The following ERC2 variants were observed in gnomAD, a reference collection of about 807,000 sequenced individuals.
ERC2 encodes ELKS/RAB6-interacting/CAST family member 2, also known as ERC protein 2.
Under a neutral mutation model 114.8 loss-of-function variants are expected in ERC2, and 42 were observed. The observed-to-expected ratio is 0.37, with a 90% CI of 0.29 to 0.47. ERC2 has a LOEUF of 0.47. Ranked by LOEUF, ERC2 falls within the 20% of genes least tolerant of loss-of-function variation. The probability of loss-of-function intolerance (pLI) is 0.99; values close to 1 mark genes in which losing one functional copy is unlikely to be tolerated. For synonymous variants in ERC2, 454 were observed against 425.5 expected, an observed-to-expected ratio of 1.07 and a Z score of -0.82; for missense variants, 939 against 1,150.7, an observed-to-expected ratio of 0.82 and a Z score of 2.66.
At position 55,524,500 on chromosome 3, in the gene ERC2, GTTTTT is replaced by G. The variant is rs34258011; in HGVS notation, c.*40-13229_*40-13225del. ...CACCCTGTTTTACAAAGCTCCAGTG[GTTTTT>G]TTTTTTTTTTTTTTTCATGGCTCCA... On this transcript the variant is annotated intron_variant, in intron 17 of 17. Transcript: ENST00000288221. 1.6e-3 allele frequency among the ~76,000 whole-genome samples: 190 copies of G among 120,832 alleles called. 1 individual carries two copies. Among genetic ancestry groups the G allele is most frequent in the African/African-American group, 5.8e-3 (183 of 31,734 alleles). 79.3% of individuals were successfully genotyped at this position (120,832 alleles called of 152,430 possible). A position where few individuals can be genotyped will look rare whatever the true frequency, so the allele number is the denominator to read the frequency against.
At chr3:56,040,587 A>ATG (rs2075090702) in intron 7 of ERC2, among the ~76,000 whole-genome samples, 2 of 122,246 alleles carry the variant, frequency 1.6e-5, no homozygotes, top group African/African-American at 6.1e-5. Context: ...ATACATATAC[A>ATG]TATATATCTA....
At chr3:56,102,310 G>A (rs939956354) in intron 6 of ERC2, among the ~76,000 whole-genome samples, 1 of 152,110 alleles carries the variant, frequency 6.6e-6, no homozygotes, top group African/African-American at 2.4e-5. Flanking sequence ...CAGTGCTAGG[G>A]ACAGAGCTTC....
chr3:55,679,686 C>T lies in ERC2; in HGVS notation c.*39+4108G>A, dbSNP rs557955690. ...GCACAAGAAAGAGATATATCAGATC[C>T]TCAGTTATACAAAATCTAAATTGCA... On this transcript the variant is annotated intron_variant, in intron 17 of 17. Transcript: ENST00000288221. Among the ~76,000 whole-genome samples, 6 of 152,304 alleles carry T rather than the reference C, an allele frequency of 3.9e-5. No individual in the cohort carries two copies. The South Asian group carries it at 1.2e-3, about 32-fold the overall frequency.
intron 14 of ERC2, among the ~76,000 whole-genome samples, chr3:55,735,160 T>C (rs1266166690): frequency 1.3e-5 from 2 of 152,250 alleles, no homozygotes; most frequent in South Asian, 4.1e-4. Flanking sequence ...ATGTTATAAA[T>C]GGGAAGGGAC....
intron 4 of ERC2, among the ~76,000 whole-genome samples, chr3:56,151,452 G>A (rs2081407748): frequency 6.6e-6 from 1 of 152,128 alleles, no homozygotes; most frequent in Non-Finnish European, 1.5e-5. Flanking sequence ...AAGTAGGTAG[G>A]AGAATATCAT....
At chr3:56,227,005 A>G (rs80153101) in intron 3 of ERC2, among the ~76,000 whole-genome samples, 4,438 of 152,112 alleles carry the variant, frequency 0.029, 69 homozygotes, top group Middle Eastern at 0.058. Context: ...TACTTGCTCA[A>G]CTACCTCCAC....
intron 2 of ERC2, among the ~76,000 whole-genome samples, chr3:56,393,269 A>C (rs1265952457): frequency 6.6e-6 from 1 of 152,130 alleles, no homozygotes; most frequent in Non-Finnish European, 1.5e-5. Flanking sequence ...ATGGTGGTGC[A>C]TGCCTGTAAT....
At chr3:56,431,765 C>T (rs992527248) in intron 2 of ERC2, among the ~76,000 whole-genome samples, 5 of 152,078 alleles carry the variant, frequency 3.3e-5, no homozygotes, top group African/African-American at 4.8e-5. Context: ...AAAATCTCTG[C>T]GCTTCTTCCT....
At chr3:55,637,552 C>T (rs1024755006) in intron 17 of ERC2, among the ~76,000 whole-genome samples, 8 of 152,162 alleles carry the variant, frequency 5.3e-5, no homozygotes, top group African/African-American at 1.9e-4. Context: ...ACTCTAAAAC[C>T]CAAGTTACTG....
intron 6 of ERC2, among the ~76,000 whole-genome samples, chr3:56,091,165 T>C (rs1250878579): frequency 6.6e-6 from 1 of 152,010 alleles, no homozygotes; most frequent in African/African-American, 2.4e-5. Flanking sequence ...GCTGCTGCAA[T>C]GAGCCAGAAG....
intron 17 of ERC2, among the ~76,000 whole-genome samples, chr3:55,568,765 C>T (rs954485816): frequency 6.6e-6 from 1 of 152,178 alleles, no homozygotes; most frequent in African/African-American, 2.4e-5. Flanking sequence ...CAACATCTGC[C>T]ACCATCTTCT....
At chr3:55,768,488 A>C (rs1233496587) in intron 14 of ERC2, among the ~76,000 whole-genome samples, 1 of 152,222 alleles carries the variant, frequency 6.6e-6, no homozygotes, top group African/African-American at 2.4e-5. Context: ...GAAGAACAAT[A>C]AACAAGTAAA....
At chr3:55,720,551 T>C (rs868197739) in intron 15 of ERC2, among the ~76,000 whole-genome samples, 15 of 151,968 alleles carry the variant, frequency 9.9e-5, no homozygotes, top group African/African-American at 3.4e-4. Flanking sequence ...TCCCAAAGTG[T>C]TGGGATTACA....
chr3:56,328,905 AC>A (rs2057484827), intron 2 of ERC2, among the ~76,000 whole-genome samples: 1 of 152,240 alleles, frequency 6.6e-6, no homozygotes, highest in Non-Finnish European at 1.5e-5. Flanking sequence ...TTGGAAAAGT[AC>A]AGGAGCATCT....
chr3:56,212,276 T>C (rs1045071960), intron 3 of ERC2, among the ~76,000 whole-genome samples: 5 of 151,800 alleles, frequency 3.3e-5, no homozygotes, highest in African/African-American at 1.2e-4. Context: ...CATAATCCCA[T>C]CAAAAAGTGG....
intron 13 of ERC2, among the ~76,000 whole-genome samples, chr3:55,949,635 T>C (rs962399980): frequency 2.0e-5 from 3 of 152,228 alleles, no homozygotes; most frequent in Non-Finnish European, 4.4e-5. Context: ...GAGTACATAT[T>C]GAAATTATCT....
In ERC2 at chr3:55,990,963, C is replaced by T. The variant is rs534636973; in HGVS notation, c.2255+1094G>A. On this transcript the variant is annotated intron_variant, in intron 11 of 17. Transcript: ENST00000288221. ...TTTAAAAATTAGCCAGGTGTAGTGGCGTGCACCTGTAGTCCCAGCTACTCA... is the reference window on the plus strand; with the variant it reads ...TTTAAAAATTAGCCAGGTGTAGTGGTGTGCACCTGTAGTCCCAGCTACTCA... Among the ~76,000 whole-genome samples the T allele has an allele frequency of 1.8e-3, 269 of 152,112 alleles. 1 individual carries two copies. The highest frequency in any genetic ancestry group is 2.4e-3 in the Non-Finnish European group (164 of 67,980).
At chr3:55,681,345 A>G (rs1244609914) in intron 17 of ERC2, among the ~76,000 whole-genome samples, 1 of 152,214 alleles carries the variant, frequency 6.6e-6, no homozygotes, top group African/African-American at 2.4e-5. Context: ...TGCTATTATG[A>G]GCATATTACT....
intron 2 of ERC2, among the ~76,000 whole-genome samples, chr3:56,340,542 A>ATGAATG (rs1553925437): frequency 7.1e-6 from 1 of 141,416 alleles, no homozygotes; most frequent in Non-Finnish European, 1.5e-5. Flanking sequence ...GAGAGAGTGA[A>ATGAATG]TGTGTGTGTG....
Sources: gnomAD v4.1 joint callset for allele counts (sites outside exome capture counted in the v4.1 genomes callset) on GRCh38, gnomAD v4.1.1 for gene constraint, MANE v1.5 for transcripts, NCBI Gene and HGNC (gene_info 2026-07-23, HGNC 2026-07-21) for gene names.